The following RABGAP1L variants were observed in gnomAD, a reference collection of about 807,000 sequenced individuals.
The protein encoded by RABGAP1L is RAB GTPase activating protein 1 like.
In RABGAP1L, 63 loss-of-function variants were observed where a neutral mutation model predicts 137.7. The ratio of observed to expected loss-of-function variants is 0.46; its 90% CI spans 0.37 to 0.56. The LOEUF (loss-of-function observed/expected upper bound fraction) is 0.56. Ranked by LOEUF, RABGAP1L falls within the 20% of genes least tolerant of loss-of-function variation. The pLI is 0.00. For synonymous variants in RABGAP1L, 431 were observed against 433.7 expected, an observed-to-expected ratio of 0.99 and a Z score of 0.08; for missense variants, 1,095 against 1,244.0, an observed-to-expected ratio of 0.88 and a Z score of 1.80.
intron 19 of RABGAP1L, among the ~76,000 whole-genome samples, chr1:174,945,272 T>C (rs1158387941): frequency 6.6e-6 from 1 of 152,220 alleles, no homozygotes; most frequent in Middle Eastern, 3.2e-3. Context: ...CAATTTTTAG[T>C]GCTTGGTAGT....
At chr1:174,283,893 A>G (rs1346156720) in intron 10 of RABGAP1L, among the ~76,000 whole-genome samples, 2 of 152,154 alleles carry the variant, frequency 1.3e-5, no homozygotes, top group East Asian at 3.9e-4. Context: ...CTCTTCTTTA[A>G]TTTATCTCAG....
chr1:174,694,793 T>C (rs1000294524), intron 15 of RABGAP1L, among the ~76,000 whole-genome samples: 8 of 151,550 alleles, frequency 5.3e-5, no homozygotes, highest in African/African-American at 1.9e-4. Context: ...CCACAATGGT[T>C]GAACTAGTTT....
intron 13 of RABGAP1L, among the ~76,000 whole-genome samples, chr1:174,627,998 G>A (rs1673045528): frequency 6.6e-6 from 1 of 152,080 alleles, no homozygotes; most frequent in Non-Finnish European, 1.5e-5. Context: ...AAATTCTAAA[G>A]TAATGATGGA....
chr1:174,304,647 G>A (rs925504679), intron 10 of RABGAP1L, among the ~76,000 whole-genome samples: 12 of 152,090 alleles, frequency 7.9e-5, no homozygotes, highest in Admixed American at 1.3e-4. Context: ...CTTTAGGTTC[G>A]TGTAAGGTAG....
chr1:174,188,383 A>T (rs745347328), intron 1 of RABGAP1L, among the ~76,000 whole-genome samples: 1 of 152,210 alleles, frequency 6.6e-6, no homozygotes, highest in Non-Finnish European at 1.5e-5. Flanking sequence ...TATGTTTCTT[A>T]TACTTTTCTG....
At chr1:174,966,725 C>T (rs1474960814) in intron 20 of RABGAP1L, among the ~76,000 whole-genome samples, 1 of 152,172 alleles carries the variant, frequency 6.6e-6, no homozygotes, top group Non-Finnish European at 1.5e-5. Flanking sequence ...GTTGCCTCTA[C>T]AAGAGCATTC....
rs1221602563 is a variant in RABGAP1L, at chr1:174,219,198, C to T, written c.41C>T (p.Ser14Phe). Residue 14 changes from serine to phenylalanine, a missense_variant, in exon 2 of 26, where the codon TCT becomes TTT. Physicochemically the swap from Ser to Phe is radical, Grantham distance 155 (BLOSUM62 -2). Around this residue, in one of 4 missense-constraint regions of RABGAP1L, gnomAD observed 356 missense variants for 326.3 expected, o/e 1.09. Coordinates refer to ENST00000681986, the MANE Select transcript of RABGAP1L (RefSeq NM_001366446.1). ...TCATTACAGAAGGTTAGTGGATCAT[C>T]TGATTCTGTGGCTACAATGAACAGT... ...RASLQKVSGS[S>F]DSVATMNSEE... 4.4e-6 allele frequency: 7 copies of T among 1,604,364 alleles called. No homozygotes were observed. Among genetic ancestry groups the T allele is most frequent in the Admixed American group, 3.4e-5 (2 of 59,310 alleles).
chr1:174,932,619 T>TCC (rs1664034651), intron 19 of RABGAP1L, among the ~76,000 whole-genome samples: 1 of 152,160 alleles, frequency 6.6e-6, no homozygotes, highest in African/African-American at 2.4e-5. Context: ...CTATTCCCCT[T>TCC]CCTGACAAAT....
chr1:174,596,354 T>C (rs931453886), intron 13 of RABGAP1L, among the ~76,000 whole-genome samples: 5 of 152,150 alleles, frequency 3.3e-5, no homozygotes, highest in Non-Finnish European at 5.9e-5. Flanking sequence ...GAGCTGTTCC[T>C]ATTCGGCCAT....
intron 25 of RABGAP1L, among the ~76,000 whole-genome samples, chr1:174,989,294 A>G (rs1042108490): frequency 9.2e-5 from 14 of 152,180 alleles, no homozygotes; most frequent in Admixed American, 3.3e-4. Context: ...ATCTTTCTCC[A>G]TATTGGCGCA....
At chr1:174,493,677 C>T (rs1660472925) in intron 13 of RABGAP1L, among the ~76,000 whole-genome samples, 1 of 151,748 alleles carries the variant, frequency 6.6e-6, no homozygotes. Context: ...AAAAATCAGC[C>T]TGGCATGGTG....
At chr1:174,937,523 C>T (rs1209918322) in intron 19 of RABGAP1L, among the ~76,000 whole-genome samples, 7 of 143,352 alleles carry the variant, frequency 4.9e-5, no homozygotes, top group East Asian at 4.2e-4. Context: ...TAACCTCAGG[C>T]GATCCACCTG....
intron 13 of RABGAP1L, among the ~76,000 whole-genome samples, chr1:174,587,808 C>G (rs2148115737): frequency 6.6e-6 from 1 of 152,300 alleles, no homozygotes; most frequent in South Asian, 2.1e-4. Context: ...TTCACCATCT[C>G]AAGCATTTAT....
At chr1:174,561,641 G>T (rs1159641264) in intron 13 of RABGAP1L, among the ~76,000 whole-genome samples, 1 of 152,128 alleles carries the variant, frequency 6.6e-6, no homozygotes, top group Non-Finnish European at 1.5e-5. Flanking sequence ...AAACAGCATG[G>T]TACTGGTACC....
chr1:174,218,328 T>C (rs116982902), intron 1 of RABGAP1L, among the ~76,000 whole-genome samples: 2 of 152,252 alleles, frequency 1.3e-5, no homozygotes, highest in East Asian at 3.9e-4. Context: ...TGCAGGCTAC[T>C]TGTTTTCCTT....
intron 10 of RABGAP1L, among the ~76,000 whole-genome samples, chr1:174,297,373 C>G (rs1208566618): frequency 4.6e-5 from 7 of 152,098 alleles, no homozygotes; most frequent in Admixed American, 1.3e-4. Flanking sequence ...CAGGGACTCT[C>G]GCTAGGCCAG....
chr1:174,798,765 C>T (rs1688472982), intron 18 of RABGAP1L, among the ~76,000 whole-genome samples: 1 of 152,118 alleles, frequency 6.6e-6, no homozygotes, highest in African/African-American at 2.4e-5. Flanking sequence ...TCTCTTTGTA[C>T]CATGCTATAA....
At chr1:174,805,810 C>CTTATTTAAAAGCTGGTT (rs1689239649) in intron 18 of RABGAP1L, among the ~76,000 whole-genome samples, 1 of 152,042 alleles carries the variant, frequency 6.6e-6, no homozygotes, top group Non-Finnish European at 1.5e-5. Context: ...CCTATTAGTT[C>CTTATTTAAAAGCTGGTT]TTATTTAAAA....
Position 174,686,966 on chromosome 1 carries a change from G to A in RABGAP1L, c.1899+3370G>A, listed in dbSNP as rs1378429377. On this transcript the variant is annotated intron_variant, in intron 15 of 25. Coordinates refer to ENST00000681986, the MANE Select transcript of RABGAP1L (RefSeq NM_001366446.1). ...GAGCCACCACGCCTGGCCACAAAGT[G>A]ATCTTTGAACATACCGTAGTTTAGC... Among the ~76,000 whole-genome samples, 5 of 151,608 alleles carry A rather than the reference G, an allele frequency of 3.3e-5. No homozygotes were observed. The East Asian group carries it at 9.7e-4, about 29-fold the overall frequency.
Sources: allele counts gnomAD v4.1 joint callset (sites outside exome capture counted in the v4.1 genomes callset), GRCh38; gene constraint gnomAD v4.1.1; regional missense constraint gnomAD v4.1.1; transcripts MANE v1.5; gene names NCBI Gene and HGNC (gene_info 2026-07-23, HGNC 2026-07-21).